Variants in PPM1D observed in about 807,000 individuals in gnomAD.
PPM1D encodes protein phosphatase, Mg2+/Mn2+ dependent 1D, also known as protein phosphatase 1D.
A neutral mutation model predicts 58.3 loss-of-function variants in PPM1D; 52 were observed. That is an observed-to-expected ratio of 0.89 (90% CI 0.71 to 1.12). The LOEUF is 1.12. PPM1D is among the 50% of genes most tolerant of loss of function. The pLI is 0.00. For synonymous variants in PPM1D, 278 were observed against 285.1 expected, an observed-to-expected ratio of 0.98 and a Z score of 0.25; for missense variants, 564 against 777.2, an observed-to-expected ratio of 0.73 and a Z score of 3.26.
chr17:60,603,606 T>C (rs905886304), intron 1 of PPM1D, among the ~76,000 whole-genome samples: 40 of 152,128 alleles, frequency 2.6e-4, no homozygotes, highest in Admixed American at 1.2e-3. Flanking sequence ...CTACTAAAAA[T>C]ACAGAAATTA....
At chr17:60,601,611 G>A (rs2030213570) in intron 1 of PPM1D, among the ~76,000 whole-genome samples, 1 of 152,148 alleles carries the variant, frequency 6.6e-6, no homozygotes, top group Admixed American at 6.5e-5. Flanking sequence ...TGCCTTAGCT[G>A]ATTGCTTTCA....
At chr17:60,613,297 A>G (rs1185069513) in intron 1 of PPM1D, among the ~76,000 whole-genome samples, 4 of 152,200 alleles carry the variant, frequency 2.6e-5, no homozygotes, top group Non-Finnish European at 5.9e-5. Flanking sequence ...ATGGTTGCCA[A>G]TAAGTATTTT....
chr17:60,612,809 A>T (rs2030487807), intron 1 of PPM1D, among the ~76,000 whole-genome samples: 1 of 152,044 alleles, frequency 6.6e-6, no homozygotes, highest in South Asian at 2.1e-4. Flanking sequence ...TGGTTATGAT[A>T]ATTCACTGTC....
At position 60,665,669 on chromosome 17, in the gene PPM1D, A is replaced by T. The variant is rs1359419658; in HGVS notation, c.*2117A>T. 1.3e-5 allele frequency: 2 copies of T among 152,248 alleles called. No homozygotes were observed. The highest frequency in any genetic ancestry group is 3.8e-4 in the East Asian group (2 of 5,204). 9.4% of individuals were successfully genotyped at this position (152,248 alleles called of 1,614,324 possible). A position where few individuals can be genotyped will look rare whatever the true frequency, so the allele number is the denominator to read the frequency against. On this transcript the variant is annotated 3_prime_UTR_variant, in exon 6 of 6. Transcript: ENST00000305921. ...TTAGCAGTTTAAAACAACAAATATT[A>T]TCTCCAGTTTCTGAGCCTCAGAAAT...
chr17:60,616,437 G>A (rs1373666602), intron 1 of PPM1D, among the ~76,000 whole-genome samples: 12 of 151,874 alleles, frequency 7.9e-5, no homozygotes, highest in East Asian at 1.9e-4. Flanking sequence ...GTGAAATCCC[G>A]TCTCTACTAA....
intron 2 of PPM1D, among the ~76,000 whole-genome samples, chr17:60,630,531 G>T (rs1368833838): frequency 2.0e-5 from 3 of 152,076 alleles, no homozygotes; most frequent in African/African-American, 7.2e-5. Flanking sequence ...CCAGCCTTCT[G>T]TTGCTGCTCA....
chr17:60,620,800 A>G (rs924671598), intron 1 of PPM1D, among the ~76,000 whole-genome samples: 1 of 152,088 alleles, frequency 6.6e-6, no homozygotes, highest in African/African-American at 2.4e-5. Context: ...GAGCCACTGC[A>G]CCCAGCCTGT....
chr17:60,656,226 C>T (rs964913239), intron 4 of PPM1D, among the ~76,000 whole-genome samples: 3 of 150,992 alleles, frequency 2.0e-5, no homozygotes, highest in African/African-American at 7.3e-5. Flanking sequence ...GAGGCAGAGG[C>T]GTGTGGATCG....
intron 1 of PPM1D, among the ~76,000 whole-genome samples, chr17:60,614,575 C>T (rs1184810928): frequency 6.6e-6 from 1 of 152,088 alleles, no homozygotes; most frequent in Non-Finnish European, 1.5e-5. Flanking sequence ...ATTGGCAACA[C>T]GGTGGGGTGG....
chr17:60,600,233 C>T lies in PPM1D; in HGVS notation c.-182C>T, dbSNP rs965062681. On this transcript the variant is annotated 5_prime_UTR_variant, in exon 1 of 6. Coordinates refer to ENST00000305921, the MANE Select transcript of PPM1D (RefSeq NM_003620.4). ...CTGCCTGGCTCTGCTCGCTCCGGCG[C>T]TCCGGCCCAGCTCTCGCGGACAAGT... 1.3e-5 allele frequency: 17 copies of T among 1,259,294 alleles called. No individual in the cohort carries two copies. The highest frequency in any genetic ancestry group is 1.7e-5 in the Non-Finnish European group (16 of 945,368). The allele number at this position is 1,259,294 out of a possible 1,614,324, so 78.0% of individuals were successfully genotyped here.
intron 1 of PPM1D, among the ~76,000 whole-genome samples, chr17:60,613,914 C>T (rs1216240964): frequency 1.5e-5 from 2 of 132,328 alleles, no homozygotes; most frequent in Admixed American, 1.5e-4. Context: ...ACCCCCCCGC[C>T]TCACACAGCC....
Position 60,663,375 on chromosome 17 carries a change from G to A in PPM1D, c.1641G>A (p.Met547Ile), listed in dbSNP as rs1383306871. 2 of 1,614,196 alleles carry A rather than the reference G, an allele frequency of 1.2e-6. No individual in the cohort carries two copies. Among genetic ancestry groups the A allele is most frequent in the Middle Eastern group, 1.6e-4 (1 of 6,062 alleles). The change falls in exon 6 of 6, where the codon ATG (methionine) becomes ATA (isoleucine). Residue 547 changes from methionine (M) to isoleucine (I), a missense_variant. Physicochemically the swap from Met to Ile is conservative, Grantham distance 10. Around this residue, in one of 7 missense-constraint regions of PPM1D, gnomAD observed 261 missense variants for 270.1 expected, o/e 0.97. Coordinates refer to ENST00000305921, the MANE Select transcript of PPM1D (RefSeq NM_003620.4). ...AAGAGTCCAATTCTGGCCCCCTGAT[G>A]AAGAAGCATAGACGAAATGGCTTAA... ...TLEESNSGPL[M>I]KKHRRNGLSR... is the part of the protein sequence containing the mutation.
At chr17:60,628,709 A>G (rs2030861165) in intron 2 of PPM1D, among the ~76,000 whole-genome samples, 1 of 151,972 alleles carries the variant, frequency 6.6e-6, no homozygotes, top group Non-Finnish European at 1.5e-5. Flanking sequence ...TTTTTATTAT[A>G]CTATATAATA....
At chr17:60,656,473 G>GA (rs367746536) in intron 4 of PPM1D, 126 bp from the exon 5 acceptor site, 35,747 of 905,474 alleles carry the variant, frequency 0.039, no homozygotes, top group East Asian at 0.046. Context: ...AAAGAGAAAA[G>GA]AAAAAAAAAA....
At chr17:60,654,602 CT>C (rs995793536) in intron 4 of PPM1D, among the ~76,000 whole-genome samples, 7 of 151,774 alleles carry the variant, frequency 4.6e-5, no homozygotes, top group African/African-American at 1.7e-4. Flanking sequence ...CGGTTCACAC[CT>C]GTAATTCCAG....
rs192903532 is a variant in PPM1D at position 60,658,589 on chromosome 17, G to A, written c.1260+1748G>A. Reference sequence around the variant, plus strand: ...CTTGAACCCAGGAGGCGGAGGTTGCGGTGAGCCAAGATCGTGCCATTGTGC... The same window carrying A: ...CTTGAACCCAGGAGGCGGAGGTTGCAGTGAGCCAAGATCGTGCCATTGTGC... On this transcript the variant is annotated intron_variant, in intron 5 of 5. Coordinates refer to ENST00000305921, the MANE Select transcript of PPM1D (RefSeq NM_003620.4). Among the ~76,000 whole-genome samples, 195 of 150,578 alleles carry A rather than the reference G, an allele frequency of 1.3e-3. 1 individual carries two copies. Among genetic ancestry groups the A allele is most frequent in the Non-Finnish European group, 1.7e-3 (115 of 67,694 alleles).
At position 60,656,670 on chromosome 17, in the gene PPM1D, C is replaced by A; in HGVS notation, c.1089C>A (p.Leu363=). ...RALGRWRQRM[L]RADNTSAIVI... ...TGGGCCGCTGGAGGCAGCGTATGCT[C>A]CGAGCAGATAACACTAGTGCCATAG... is the stretch of plus-strand genomic sequence containing the variant. Residue 363 remains leucine, a synonymous_variant, in exon 5 of 6, where the codon CTC becomes CTA. Transcript: ENST00000305921. 1.2e-6 allele frequency: 2 copies of A among 1,614,168 alleles called. No individual in the cohort carries two copies. The highest frequency in any genetic ancestry group is 1.7e-6 in the Non-Finnish European group (2 of 1,180,024).
chr17:60,659,402 T>G (rs531904906), intron 5 of PPM1D, among the ~76,000 whole-genome samples: 2 of 152,214 alleles, frequency 1.3e-5, no homozygotes, highest in Admixed American at 6.5e-5. Flanking sequence ...CATAAATTAG[T>G]CTTTGTTTTG....
chr17:60,642,352 A>ATTTTTTTTTT (rs760188816), intron 3 of PPM1D, among the ~76,000 whole-genome samples: 1 of 124,874 alleles, frequency 8.0e-6, no homozygotes, highest in African/African-American at 3.1e-5. Flanking sequence ...AGAAGAATGG[A>ATTTTTTTTTT]TTTTTTTTTT....
Sources: gnomAD v4.1 joint callset for allele counts (sites outside exome capture counted in the v4.1 genomes callset) on GRCh38, gnomAD v4.1.1 for gene constraint, gnomAD v4.1.1 regional missense constraint, MANE v1.5 for transcripts, NCBI Gene and HGNC (gene_info 2026-07-23, HGNC 2026-07-21) for gene names.